Variants in ATG16L1 observed in about 807,000 individuals in gnomAD.
ATG16L1 encodes autophagy related 16 like 1, also known as autophagy-related protein 16-1.
ATG16L1 carries 37 observed loss-of-function variants against 88.5 expected under a neutral mutation model. The ratio of observed to expected loss-of-function variants is 0.42; its 90% CI spans 0.32 to 0.55. ATG16L1 has a LOEUF of 0.55. Ranked by LOEUF, ATG16L1 falls within the 20% of genes least tolerant of loss-of-function variation. The probability of loss-of-function intolerance (pLI) is 0.13; values close to 1 mark genes in which losing one functional copy is unlikely to be tolerated. For synonymous variants in ATG16L1, 301 were observed against 281.0 expected (o/e 1.07, Z -0.71); for missense variants, 554 against 752.8 (o/e 0.74, Z 3.09).
intron 10 of ATG16L1, among the ~76,000 whole-genome samples, chr2:233,279,911 G>A (rs1188084290): frequency 6.6e-6 from 1 of 152,188 alleles, no homozygotes; most frequent in Non-Finnish European, 1.5e-5. Context: ...AGTATTTTAA[G>A]CATAAGCCAA....
intron 17 of ATG16L1, among the ~76,000 whole-genome samples, chr2:233,293,926 C>G (rs186107076): frequency 6.6e-6 from 1 of 152,354 alleles, no homozygotes; most frequent in East Asian, 1.9e-4. Context: ...CCAGTGCTGA[C>G]CACCACTGCC....
Position 233,293,588 on chromosome 2 carries a change from G to A in ATG16L1, c.1730+231G>A, listed in dbSNP as rs371638763. ...AGCGGTTAGAGTGGCAGCCGCTGGA[G>A]AAAGGGTTATAGAAACACATCCCTG... On this transcript the variant is annotated intron_variant, in intron 17 of 17. Transcript: ENST00000392017. Among the ~76,000 whole-genome samples, 30 of 149,498 alleles carry A rather than the reference G, an allele frequency of 2.0e-4. 1 individual carries two copies. In the South Asian group the frequency reaches 5.6e-3, roughly 28 times the overall value.
At position 233,270,050 on chromosome 2, in the gene ATG16L1, A is replaced by G; in HGVS notation, c.690A>G (p.Glu230=). 2 of 1,590,258 alleles carry G rather than the reference A, an allele frequency of 1.3e-6. No homozygotes were observed. The highest frequency in any genetic ancestry group is 1.7e-6 in the Non-Finnish European group (2 of 1,171,384). The part of the protein sequence containing the change: ...LQKELAEAAK[E]PLPVEQDDDI... ...AAGAGCTTGCAGAAGCAGCAAAGGAACCTCTACCAGTCGAACAGTAAGTAA... is the reference window on the plus strand; with the variant it reads ...AAGAGCTTGCAGAAGCAGCAAAGGAGCCTCTACCAGTCGAACAGTAAGTAA... Residue 230 remains glutamate, a synonymous_variant, in exon 6 of 18, where the codon GAA becomes GAG. Coordinates refer to ENST00000392017, the MANE Select transcript of ATG16L1 (RefSeq NM_030803.7).
chr2:233,286,620 A>ATTTTTTTT (rs1699093707), intron 12 of ATG16L1, among the ~76,000 whole-genome samples: 1 of 75,486 alleles, frequency 1.3e-5, no homozygotes, highest in African/African-American at 5.4e-5. Context: ...AGAAGCCCAA[A>ATTTTTTTT]CTTTTTTTTT....
rs539387013 is a variant in ATG16L1, at chr2:233,263,772, G to A, written c.316-220G>A. On this transcript the variant is annotated intron_variant, in intron 3 of 17. Transcript: ENST00000392017. Reference sequence around the variant, plus strand: ...AGGAGTAGACAGCTGTCCTCAGCAAGCCCCTGGCAGTCACCTGGAACACTT... The same window carrying A: ...AGGAGTAGACAGCTGTCCTCAGCAAACCCCTGGCAGTCACCTGGAACACTT... 2.0e-5 allele frequency among the ~76,000 whole-genome samples: 3 copies of A among 152,314 alleles called. No homozygotes were observed. The East Asian group carries it at 5.8e-4, about 29-fold the overall frequency.
intron 1 of ATG16L1, among the ~76,000 whole-genome samples, chr2:233,254,670 A>G (rs1471652815): frequency 3.9e-5 from 6 of 152,222 alleles, no homozygotes; most frequent in Non-Finnish European, 8.8e-5. Flanking sequence ...TGAAGGTCTT[A>G]CTAGAGCCCT....
At chr2:233,257,830 C>A (rs1366612492) in intron 2 of ATG16L1, among the ~76,000 whole-genome samples, 1 of 151,944 alleles carries the variant, frequency 6.6e-6, no homozygotes, top group African/African-American at 2.4e-5. Flanking sequence ...GATGGTGAAA[C>A]CCCATCTCTA....
At chr2:233,292,080 A>G (rs1202718758) in intron 14 of ATG16L1, 48 bp from the exon 15 acceptor site, 2 of 1,596,426 alleles carry the variant, frequency 1.3e-6, no homozygotes, top group Admixed American at 3.5e-5. Context: ...CATGATGTGA[A>G]GTAGTTCTGG....
intron 7 of ATG16L1, 58 bp downstream of exon 7, chr2:233,273,110 A>G (rs1276844230): frequency 4.3e-6 from 6 of 1,393,390 alleles, no homozygotes; most frequent in Admixed American, 1.7e-5. Context: ...ATGAAGGCAC[A>G]TCTGTGGACA....
chr2:233,277,277 T>C (rs1413492152), intron 9 of ATG16L1: 3 of 247,052 alleles, frequency 1.2e-5, no homozygotes, highest in Non-Finnish European at 2.4e-5. Context: ...TATAGGCCAT[T>C]ATTGTTAGAA....
rs1699375389 is a variant in ATG16L1 at position 233,290,267 on chromosome 2, A to G, written c.1344A>G (p.Ala448=). The G allele has an allele frequency of 6.2e-7, 1 of 1,613,964 alleles. No homozygotes were observed. The highest frequency in any genetic ancestry group is 1.3e-5 in the African/African-American group (1 of 74,932). The change falls in exon 14 of 18, where the codon GCA becomes GCG. Residue 448 remains alanine, a synonymous_variant. Transcript: ENST00000392017. ...TTTCAGGCATAAAGACAGTGTTTGC[A>G]GGATCCAGTTGCAATGATATTGTCT... The part of the protein sequence containing the change: ...RSKVCIKTVF[A]GSSCNDIVCT...
intron 16 of ATG16L1, 99 bp from the exon 17 acceptor site, chr2:233,293,157 C>T: frequency 9.9e-7 from 1 of 1,011,944 alleles, no homozygotes; most frequent in Non-Finnish European, 1.6e-6. Context: ...GAGTGGTCAT[C>T]AGTGAAGAAC....
chr2:233,277,408 C>T (rs184348657), intron 9 of ATG16L1, 160 bp from the exon 10 acceptor site: 73 of 589,058 alleles, frequency 1.2e-4, no homozygotes, highest in African/African-American at 1.1e-3. Context: ...ATAATAGAAT[C>T]TTAGTTGACC....
chr2:233,261,234 C>G (rs1323720952), intron 2 of ATG16L1, among the ~76,000 whole-genome samples: 5 of 152,194 alleles, frequency 3.3e-5, no homozygotes, highest in African/African-American at 1.2e-4. Flanking sequence ...GGGTTACAGG[C>G]TTGAGCCACC....
chr2:233,255,188 A>C (rs1266616120), intron 1 of ATG16L1, among the ~76,000 whole-genome samples: 2 of 151,820 alleles, frequency 1.3e-5, no homozygotes, highest in Non-Finnish European at 2.9e-5. Context: ...CTGTTCTCGA[A>C]CTCCTGACCT....
intron 9 of ATG16L1, chr2:233,275,649 T>G: frequency 2.1e-6 from 1 of 478,698 alleles, no homozygotes; most frequent in South Asian, 1.5e-5. Context: ...GGAGGAGGAG[T>G]TGGGATGGGG....
intron 6 of ATG16L1, among the ~76,000 whole-genome samples, chr2:233,271,729 C>T (rs1175700146): frequency 1.3e-5 from 2 of 152,230 alleles, no homozygotes; most frequent in Non-Finnish European, 2.9e-5. Context: ...CCATAAAATT[C>T]TATTTTCAAC....
Position 233,256,178 on chromosome 2 carries a change from A to G in ATG16L1, c.192A>G (p.Pro64=). ...QKLQAEKHDV[P]NRHEISPGHD... Reference sequence around the variant, plus strand: ...TACAGGCTGAAAAGCATGACGTACCAAACAGGCACGAGATAAGGTATTTTG... The same window carrying G: ...TACAGGCTGAAAAGCATGACGTACCGAACAGGCACGAGATAAGGTATTTTG... The change falls in exon 2 of 18, where the codon CCA becomes CCG. Residue 64 remains proline (P), a synonymous_variant. Coordinates refer to ENST00000392017, the MANE Select transcript of ATG16L1 (RefSeq NM_030803.7). 1 of 1,613,940 alleles carries G rather than the reference A, an allele frequency of 6.2e-7. No homozygotes were observed. Among genetic ancestry groups the G allele is most frequent in the Non-Finnish European group, 8.5e-7 (1 of 1,179,812 alleles).
chr2:233,266,525 G>A (rs774865566), intron 5 of ATG16L1, among the ~76,000 whole-genome samples: 1 of 152,112 alleles, frequency 6.6e-6, no homozygotes, highest in Non-Finnish European at 1.5e-5. Context: ...CAGTAGTTTC[G>A]AGTTTGAAGA....
Sources: gnomAD v4.1 joint callset for allele counts (sites outside exome capture counted in the v4.1 genomes callset) on GRCh38, gnomAD v4.1.1 for gene constraint, MANE v1.5 for transcripts, NCBI Gene and HGNC (gene_info 2026-07-23, HGNC 2026-07-21) for gene names.